Variants in TRA2B observed in about 807,000 individuals in gnomAD.
TRA2B encodes transformer-2 protein homolog beta.
A neutral mutation model predicts 41.7 loss-of-function variants in TRA2B; 14 were observed. The observed-to-expected ratio is 0.34, with a 90% confidence interval of 0.22 to 0.53. The LOEUF (loss-of-function observed/expected upper bound fraction) is 0.53. Among genes scored for constraint, TRA2B ranks in the 20% least tolerant of loss-of-function variants. TRA2B has a pLI of 0.95. For missense variants in TRA2B, 167 were observed against 396.8 expected (o/e 0.42, Z 4.92); for synonymous variants, 130 against 128.8 (o/e 1.01, Z -0.06).
intron 1 of TRA2B, among the ~76,000 whole-genome samples, chr3:185,932,127 T>C (rs1427732359): frequency 6.6e-6 from 1 of 152,156 alleles, no homozygotes; most frequent in Admixed American, 6.5e-5. Context: ...ATTTAACATT[T>C]TAAGAACTAT....
chr3:185,917,658 A>T lies in TRA2B; in HGVS notation c.*57T>A. On this transcript the variant is annotated 3_prime_UTR_variant, in exon 9 of 9. Coordinates refer to ENST00000453386, the MANE Select transcript of TRA2B (RefSeq NM_004593.3). ...CTTTTTAAACAAGAGACAATAAAAA[A>T]TATTGCCCACAAACAATATCCCAGC... 5 of 1,596,714 alleles carry T rather than the reference A, an allele frequency of 3.1e-6. No homozygotes were observed. In the South Asian group the frequency reaches 5.6e-5, roughly 18 times the overall value.
chr3:185,935,979 T>C (rs1744337155), intron 1 of TRA2B: 2 of 985,300 alleles, frequency 2.0e-6, no homozygotes, highest in Non-Finnish European at 2.4e-6. Flanking sequence ...GTACTTTTAC[T>C]AGTAAAAAGA....
intron 1 of TRA2B, chr3:185,936,518 G>A (rs1744361926): frequency 1.1e-5 from 11 of 985,236 alleles, no homozygotes; most frequent in Non-Finnish European, 1.2e-5. Flanking sequence ...GGAAACTCAC[G>A]CTTCATCACT....
chr3:185,924,353 T>C (rs1282979040), intron 3 of TRA2B: 1 of 176,916 alleles, frequency 5.7e-6, no homozygotes, highest in Non-Finnish European at 1.2e-5. Context: ...AAAATTGTAA[T>C]GTTGACACAC....
chr3:185,920,653 C>G (rs1304104589), intron 6 of TRA2B, among the ~76,000 whole-genome samples: 1 of 151,952 alleles, frequency 6.6e-6, no homozygotes, highest in African/African-American at 2.4e-5. Flanking sequence ...CTGCCGGGTT[C>G]AAGCAATTCA....
Position 185,916,150 on chromosome 3 carries a change from A to T in TRA2B, c.*1565T>A, listed in dbSNP as rs1030915674. The T allele has an allele frequency of 3.3e-5, 5 of 152,230 alleles. No homozygotes were observed. Among genetic ancestry groups the T allele is most frequent in the Non-Finnish European group, 1.5e-5 (1 of 68,046 alleles). 9.4% of individuals were successfully genotyped at this position (152,230 alleles called of 1,614,324 possible). A position where few individuals can be genotyped will look rare whatever the true frequency, so the allele number is the denominator to read the frequency against. On this transcript the variant is annotated 3_prime_UTR_variant, in exon 9 of 9. Transcript: ENST00000453386. ...GGCAAACACTGAAAACACCCTGGACAGTAAGTTTTACAAATTAAGACCTGC... is the reference window on the plus strand; with the variant it reads ...GGCAAACACTGAAAACACCCTGGACTGTAAGTTTTACAAATTAAGACCTGC...
At chr3:185,932,142 T>G (rs1744172066) in intron 1 of TRA2B, among the ~76,000 whole-genome samples, 1 of 152,208 alleles carries the variant, frequency 6.6e-6, no homozygotes, top group Non-Finnish European at 1.5e-5. Flanking sequence ...AACTATTAGT[T>G]ACATTTCACA....
chr3:185,929,901 T>C (rs183972786), intron 1 of TRA2B, among the ~76,000 whole-genome samples: 16 of 152,272 alleles, frequency 1.1e-4, no homozygotes, highest in African/African-American at 3.9e-4. Context: ...AACACTGTCA[T>C]CCCCTTCCTT....
chr3:185,923,563 G>T, intron 4 of TRA2B: 1 of 348,920 alleles, frequency 2.9e-6, no homozygotes, highest in Non-Finnish European at 5.1e-6. Flanking sequence ...TGGCGGAATT[G>T]GGGTATAGTT....
rs1288526415 is a variant in TRA2B, at chr3:185,937,967, C to T, written c.-107G>A. The T allele has an allele frequency of 7.0e-7, 1 of 1,420,100 alleles. No homozygotes were observed. The highest frequency in any genetic ancestry group is 2.4e-5 in the East Asian group (1 of 41,576). 88.0% of individuals were successfully genotyped at this position (1,420,100 alleles called of 1,614,324 possible). A position where few individuals can be genotyped will look rare whatever the true frequency, so the allele number is the denominator to read the frequency against. On this transcript the variant is annotated 5_prime_UTR_variant, in exon 1 of 9. Coordinates refer to ENST00000453386, the MANE Select transcript of TRA2B (RefSeq NM_004593.3). Reference sequence around the variant, plus strand: ...CAGCCCCGCACGACGCGCCGGTCGCCCAGCCGCTCAGAGCCGAAATGCTCC... The same window carrying T: ...CAGCCCCGCACGACGCGCCGGTCGCTCAGCCGCTCAGAGCCGAAATGCTCC...
Position 185,923,786 on chromosome 3 carries a change from T to C in TRA2B, c.522+10A>G. On this transcript the variant is annotated intron_variant, in intron 4 of 8. Coordinates refer to ENST00000453386, the MANE Select transcript of TRA2B (RefSeq NM_004593.3). Reference sequence around the variant, plus strand: ...ACTGATGGTTTACAAAGGAACGGGCTTTTACTTACTTCCTTGGCATCATCT... The same window carrying C: ...ACTGATGGTTTACAAAGGAACGGGCCTTTACTTACTTCCTTGGCATCATCT... The C allele has an allele frequency of 1.2e-6, 2 of 1,602,100 alleles. No individual in the cohort carries two copies. The highest frequency in any genetic ancestry group is 4.5e-5 in the East Asian group (2 of 44,766).
chr3:185,929,766 A>G (rs1744080802), intron 1 of TRA2B, among the ~76,000 whole-genome samples: 3 of 152,182 alleles, frequency 2.0e-5, no homozygotes, highest in Non-Finnish European at 4.4e-5. Flanking sequence ...AGTGGCTCAT[A>G]AACACTGCAT....
chr3:185,926,740 C>A lies in TRA2B; in HGVS notation c.37-6G>T, dbSNP rs938972797. 1 of 1,613,702 alleles carries A rather than the reference C, an allele frequency of 6.2e-7. No individual in the cohort carries two copies. Among genetic ancestry groups the A allele is most frequent in the Admixed American group, 1.7e-5 (1 of 59,984 alleles). On this transcript the variant is annotated splice_polypyrimidine_tract_variant and splice_region_variant and intron_variant, in intron 1 of 8. Coordinates refer to ENST00000453386, the MANE Select transcript of TRA2B (RefSeq NM_004593.3). ...CTGGAAGCAGAACGGGATTCCTACA[C>A]GTAGATGTTAAAAGTTTAATTTGCA... is the stretch of plus-strand genomic sequence containing the variant.
intron 1 of TRA2B, chr3:185,937,375 A>G (rs1272259253): frequency 2.0e-6 from 2 of 999,956 alleles, no homozygotes; most frequent in Non-Finnish European, 2.4e-6. Flanking sequence ...CGGCCTTACG[A>G]AGCGCGGCCC....
At chr3:185,931,744 C>CT (rs2150118223) in intron 1 of TRA2B, 1 of 1,469,310 alleles carries the variant, frequency 6.8e-7, no homozygotes, top group East Asian at 2.7e-5. Flanking sequence ...AGCATGCATT[C>CT]TTTCTTTTAT....
In TRA2B at chr3:185,937,929, G is replaced by A. The variant is rs1471417020; in HGVS notation, c.-69C>T. 8 of 1,595,142 alleles carry A rather than the reference G, an allele frequency of 5.0e-6. No homozygotes were observed. Among genetic ancestry groups the A allele is most frequent in the South Asian group, 3.3e-5 (3 of 90,594 alleles). ...TGCCAACCTCTTGCACCTTCCTTAA[G>A]GAGGCTCCGCCGCAGCCCCGCACGA... is the stretch of plus-strand genomic sequence containing the variant. On this transcript the variant is annotated 5_prime_UTR_variant, in exon 1 of 9. Transcript: ENST00000453386.
At chr3:185,937,068 C>T (rs1744390673) in intron 1 of TRA2B, 1 of 985,296 alleles carries the variant, frequency 1.0e-6, no homozygotes, top group African/African-American at 1.7e-5. Context: ...TCCACAAAAT[C>T]ATCTTAACGA....
chr3:185,922,003 A>G lies in TRA2B; in HGVS notation c.638+8T>C. The G allele has an allele frequency of 6.3e-7, 1 of 1,592,120 alleles. No homozygotes were observed. Among genetic ancestry groups the G allele is most frequent in the Non-Finnish European group, 8.6e-7 (1 of 1,165,906 alleles). On this transcript the variant is annotated splice_region_variant and intron_variant, in intron 5 of 8. Coordinates refer to ENST00000453386, the MANE Select transcript of TRA2B (RefSeq NM_004593.3). ...TGCCAATTATATTTATTTTGAAAAT[A>G]AACTTACTAGGTAGGTCTCCCCATG...
At chr3:185,926,467 C>T in intron 2 of TRA2B, 134 bp downstream of exon 2, 1 of 1,202,042 alleles carries the variant, frequency 8.3e-7, no homozygotes, top group South Asian at 1.7e-5. Context: ...CCTCCCAGAA[C>T]TTAAGTTCAC....
Sources: gnomAD v4.1 joint callset for allele counts (sites outside exome capture counted in the v4.1 genomes callset) on GRCh38, gnomAD v4.1.1 for gene constraint, MANE v1.5 for transcripts, NCBI Gene and HGNC (gene_info 2026-07-23, HGNC 2026-07-21) for gene names.